WDFY3: variants seen among roughly 807,000 people sequenced by gnomAD.
WDFY3 encodes WD repeat and FYVE domain-containing protein 3.
Under a neutral mutation model 409.6 loss-of-function variants are expected in WDFY3, and 66 were observed. The ratio of observed to expected loss-of-function variants is 0.16; its 90% confidence interval spans 0.13 to 0.20. WDFY3 has a LOEUF of 0.20. WDFY3 is among the 10% of genes least tolerant of loss of function. WDFY3 has a pLI of 1.00. For synonymous variants in WDFY3, 1,521 were observed against 1,537.1 expected (o/e 0.99, Z 0.25); for missense variants, 3,031 against 4,298.1 (o/e 0.71, Z 8.24).
chr4:84,780,208 G>C lies in WDFY3; in HGVS notation c.4265C>G (p.Ser1422Cys), dbSNP rs778630137. 27 of 1,613,956 alleles carry C rather than the reference G, an allele frequency of 1.7e-5. No homozygotes were observed. The South Asian group carries it at 2.4e-4, about 14-fold the overall frequency. The change falls in exon 26 of 68, where the codon TCT becomes TGT. Residue 1422 changes from serine to cysteine, a missense_variant. Ser to Cys is a moderately radical substitution (Grantham distance 112). Around this residue, in one of 16 missense-constraint regions of WDFY3, gnomAD observed 55 missense variants for 124.1 expected, o/e 0.44. Transcript: ENST00000295888. ...AAILGLVAMA[S>C]DVEGLYAAVK... The stretch of plus-strand genomic sequence containing the variant: ...TGCTGCATATAACCCTTCCACATCA[G>C]AGGCCATGGCCACCAGGCCCAGGAT...
chr4:84,920,808 AT>A (rs1313740547), intron 2 of WDFY3, among the ~76,000 whole-genome samples: 1 of 152,172 alleles, frequency 6.6e-6, no homozygotes, highest in Non-Finnish European at 1.5e-5. Context: ...CCAAAGGAGA[AT>A]TTCCTAAGGG....
chr4:84,775,457 CAAAT>C (rs1745390074), intron 27 of WDFY3, among the ~76,000 whole-genome samples: 4 of 151,124 alleles, frequency 2.6e-5, no homozygotes, highest in Admixed American at 2.6e-4. Context: ...CTAGACATGA[CAAAT>C]AAAATATTTA....
At chr4:84,893,677 C>T (rs1765225043) in intron 3 of WDFY3, among the ~76,000 whole-genome samples, 2 of 152,178 alleles carry the variant, frequency 1.3e-5, no homozygotes, top group South Asian at 4.1e-4. Flanking sequence ...CCAACATCTA[C>T]AGACTTACAA....
At chr4:84,758,422 T>A (rs928431351) in intron 32 of WDFY3, among the ~76,000 whole-genome samples, 2 of 152,122 alleles carry the variant, frequency 1.3e-5, no homozygotes, top group East Asian at 1.9e-4. Flanking sequence ...ATTAAAAAAA[T>A]TTTTTGGTAG....
intron 33 of WDFY3, among the ~76,000 whole-genome samples, chr4:84,755,886 C>T (rs949642173): frequency 2.0e-5 from 3 of 152,076 alleles, no homozygotes; most frequent in Non-Finnish European, 4.4e-5. Context: ...ACTATGGCAC[C>T]ATGGATATTG....
intron 46 of WDFY3, among the ~76,000 whole-genome samples, chr4:84,723,447 T>C (rs925310913): frequency 6.6e-6 from 1 of 152,214 alleles, no homozygotes; most frequent in South Asian, 2.1e-4. Context: ...ATTTTAAAAC[T>C]AACTTTTACT....
At chr4:84,834,078 G>C (rs769152641) in intron 7 of WDFY3, among the ~76,000 whole-genome samples, 3 of 152,076 alleles carry the variant, frequency 2.0e-5, no homozygotes, top group African/African-American at 7.2e-5. Flanking sequence ...TTCTCAGAGG[G>C]GTGTATTAGT....
At chr4:84,719,702 C>G (rs182107010) in intron 47 of WDFY3, among the ~76,000 whole-genome samples, 10 of 152,258 alleles carry the variant, frequency 6.6e-5, no homozygotes, top group Admixed American at 6.5e-4. Context: ...CATATACACA[C>G]ACACACAAAA....
chr4:84,878,365 A>T (rs1045242404), intron 3 of WDFY3, among the ~76,000 whole-genome samples: 8 of 152,246 alleles, frequency 5.3e-5, no homozygotes, highest in African/African-American at 1.9e-4. Context: ...AAGTGATCAA[A>T]GGAAAATGAC....
At chr4:84,820,521 AAG>A (rs1159737722) in intron 11 of WDFY3, among the ~76,000 whole-genome samples, 1 of 152,120 alleles carries the variant, frequency 6.6e-6, no homozygotes, top group Non-Finnish European at 1.5e-5. Flanking sequence ...ATACACCAAA[AAG>A]AGAGAAAAGT....
chr4:84,704,971 T>C (rs1731682153), intron 54 of WDFY3, among the ~76,000 whole-genome samples: 1 of 152,180 alleles, frequency 6.6e-6, no homozygotes, highest in African/African-American at 2.4e-5. Context: ...TTAAACATAA[T>C]AAATAACAAG....
chr4:84,882,563 T>G (rs1763679954), intron 3 of WDFY3, among the ~76,000 whole-genome samples: 1 of 152,246 alleles, frequency 6.6e-6, no homozygotes, highest in South Asian at 2.1e-4. Context: ...ATGTATTTTT[T>G]AGGGATATAT....
chr4:84,846,880 G>C (rs754048396), intron 5 of WDFY3, among the ~76,000 whole-genome samples: 6 of 151,898 alleles, frequency 4.0e-5, no homozygotes, highest in Non-Finnish European at 5.9e-5. Context: ...AAGAACCCCT[G>C]AGAGGCTCAG....
Position 84,693,065 on chromosome 4 carries a change from G to C in WDFY3, c.8902-33C>G, listed in dbSNP as rs1306286516. Reference sequence around the variant, plus strand: ...GAAAGAAGATGACTCACTTTATAATGAAAGATAACACTTATAAGCCCTTTT... The same window carrying C: ...GAAAGAAGATGACTCACTTTATAATCAAAGATAACACTTATAAGCCCTTTT... On this transcript the variant is annotated intron_variant, in intron 58 of 67. Coordinates refer to ENST00000295888, the MANE Select transcript of WDFY3 (RefSeq NM_014991.6). 4 of 1,597,764 alleles carry C rather than the reference G, an allele frequency of 2.5e-6. No individual in the cohort carries two copies. In the South Asian group the frequency reaches 4.6e-5, roughly 18 times the overall value.
In WDFY3 at chr4:84,772,856, T is replaced by A; in HGVS notation, c.4828A>T (p.Asn1610Tyr). Residue 1610 changes from asparagine to tyrosine, a missense_variant, in exon 30 of 68, where the codon AAT becomes TAT. Transcript: ENST00000295888. ...CEKFVVMEIN[N>Y]EEKLDTGTEE... ...TTACCAGTGTCAAGCTTCTCTTCATTATTTATTTCCATTACTACAAATTTC... is the reference window on the plus strand; with the variant it reads ...TTACCAGTGTCAAGCTTCTCTTCATAATTTATTTCCATTACTACAAATTTC... 1 of 1,611,812 alleles carries A rather than the reference T, an allele frequency of 6.2e-7. No individual in the cohort carries two copies. Among genetic ancestry groups the A allele is most frequent in the Non-Finnish European group, 8.5e-7 (1 of 1,179,096 alleles).
intron 24 of WDFY3, among the ~76,000 whole-genome samples, chr4:84,784,891 T>TATATATATATATATATATATACACAC (rs1238884117): frequency 2.7e-5 from 1 of 36,916 alleles, no homozygotes; most frequent in African/African-American, 7.7e-5. Context: ...TATATATATA[T>TATATATATATATATATATATACACAC]ACACACACAC....
At chr4:84,962,880 G>T (rs1775091058) in intron 1 of WDFY3, among the ~76,000 whole-genome samples, 1 of 151,630 alleles carries the variant, frequency 6.6e-6, no homozygotes, top group African/African-American at 2.4e-5. Context: ...CACCATATTG[G>T]CCAGGCTGGT....
Position 84,755,258 on chromosome 4 carries a change from G to A in WDFY3, c.5559+8C>T. On this transcript the variant is annotated splice_region_variant and intron_variant, in intron 34 of 67. Coordinates refer to ENST00000295888, the MANE Select transcript of WDFY3 (RefSeq NM_014991.6). ...TCTCAATAGGCCTGGGCATTTGAGTGAACTTACTGAAGTCAGCATGCTGCG... is the reference window on the plus strand; with the variant it reads ...TCTCAATAGGCCTGGGCATTTGAGTAAACTTACTGAAGTCAGCATGCTGCG... 6.2e-7 allele frequency: 1 copy of A among 1,610,792 alleles called. No homozygotes were observed. The highest frequency in any genetic ancestry group is 8.5e-7 in the Non-Finnish European group (1 of 1,179,102).
At chr4:84,854,131 A>G (rs1488490929) in intron 4 of WDFY3, among the ~76,000 whole-genome samples, 1 of 152,186 alleles carries the variant, frequency 6.6e-6, no homozygotes, top group Admixed American at 6.5e-5. Flanking sequence ...TGAAGAAGCG[A>G]CACTGGTGCC....
Sources: allele counts gnomAD v4.1 joint callset (sites outside exome capture counted in the v4.1 genomes callset), GRCh38; gene constraint gnomAD v4.1.1; regional missense constraint gnomAD v4.1.1; transcripts MANE v1.5; gene names NCBI Gene and HGNC (gene_info 2026-07-23, HGNC 2026-07-21).